YEATS2: variants seen among roughly 807,000 people sequenced by gnomAD.
YEATS2 encodes YEATS domain-containing protein 2.
A neutral mutation model predicts 163.2 loss-of-function variants in YEATS2; 77 were observed. The observed-to-expected ratio is 0.47, with a 90% CI of 0.39 to 0.57. The LOEUF (loss-of-function observed/expected upper bound fraction) is 0.57, where lower values mean the gene tolerates loss of function less well. Ranked by LOEUF, YEATS2 falls within the 20% of genes least tolerant of loss-of-function variation. The pLI, the probability that YEATS2 is intolerant of heterozygous loss-of-function variation, is 0.00. For missense variants in YEATS2, 1,549 were observed against 1,729.8 expected, an observed-to-expected ratio of 0.90 and a Z score of 1.85; for synonymous variants, 631 against 645.1, an observed-to-expected ratio of 0.98 and a Z score of 0.33.
Position 183,728,838 on chromosome 3 carries a change from C to G in YEATS2, c.799C>G (p.Leu267Val). 1 of 1,609,614 alleles carries G rather than the reference C, an allele frequency of 6.2e-7. No individual in the cohort carries two copies. The highest frequency in any genetic ancestry group is 8.5e-7 in the Non-Finnish European group (1 of 1,178,758). ...FLHPSYKPND[L>V]VEVREPPFHL... ...TCATCCTAGCTATAAACCAAATGAC[C>G]TTGTGGAAGTTAGGTAAGCACGCTT... is the stretch of plus-strand genomic sequence containing the variant. Residue 267 changes from leucine to valine, a missense_variant, in exon 7 of 31, where the codon CTT becomes GTT. Leu to Val is a conservative substitution (Grantham distance 32). Coordinates refer to ENST00000305135, the MANE Select transcript of YEATS2 (RefSeq NM_018023.5).
At chr3:183,745,469 C>CT (rs979793675) in intron 8 of YEATS2, among the ~76,000 whole-genome samples, 1 of 152,056 alleles carries the variant, frequency 6.6e-6, no homozygotes, top group African/African-American at 2.4e-5. Context: ...TTCCTTGGGT[C>CT]TTTTTTAATG....
Position 183,786,297 on chromosome 3 carries a change from A to G in YEATS2, c.2909A>G (p.Gln970Arg), listed in dbSNP as rs756444094. The G allele has an allele frequency of 1.9e-6, 3 of 1,606,436 alleles. No individual in the cohort carries two copies. The highest frequency in any genetic ancestry group is 2.7e-5 in the African/African-American group (2 of 74,946). ...GCCCTCTCAGCAAACGGTCCTGCACAACAGGTGAGAAATAGCATGTCAGTA... is the reference window on the plus strand; with the variant it reads ...GCCCTCTCAGCAAACGGTCCTGCACGACAGGTGAGAAATAGCATGTCAGTA... ...AVALSANGPA[Q>R]QSEGMAPVSS... Residue 970 changes from glutamine (Q) to arginine (R), a missense_variant, in exon 20 of 31, where the codon CAA (glutamine) becomes CGA (arginine). Transcript: ENST00000305135.
chr3:183,776,013 A>T lies in YEATS2; in HGVS notation c.2467A>T (p.Thr823Ser). The T allele has an allele frequency of 6.2e-7, 1 of 1,609,360 alleles. No individual in the cohort carries two copies. Among genetic ancestry groups the T allele is most frequent in the Non-Finnish European group, 8.5e-7 (1 of 1,177,146 alleles). The change falls in exon 18 of 31, where the codon ACA (threonine) becomes TCA (serine). Residue 823 changes from threonine to serine, a missense_variant. Coordinates refer to ENST00000305135, the MANE Select transcript of YEATS2 (RefSeq NM_018023.5). ...CAGTGGCAGCGGTGGAGGCGGCAGCACAGGAGGAGGAGGAGGAACAGCAGG... is the reference window on the plus strand; with the variant it reads ...CAGTGGCAGCGGTGGAGGCGGCAGCTCAGGAGGAGGAGGAGGAACAGCAGG... ...GGSGSGGGGS[T>S]GGGGGTAGGG...
chr3:183,716,076 C>CA (rs1458142766), intron 2 of YEATS2, among the ~76,000 whole-genome samples: 4 of 152,092 alleles, frequency 2.6e-5, no homozygotes, highest in African/African-American at 9.7e-5. Context: ...TCTCCTGCGT[C>CA]AGCCTCCCGA....
In YEATS2 at chr3:183,789,525, A is replaced by ATTTTTTTTTTTTTTTTTTTTTTTTTT. The variant is rs143473253; in HGVS notation, c.2914-1269_2914-1244dup. Among the ~76,000 whole-genome samples the ATTTTTTTTTTTTTTTTTTTTTTTTTT allele has an allele frequency of 1.1e-4, 7 of 66,350 alleles. 2 individuals carry two copies. The highest frequency in any genetic ancestry group is 4.1e-4 in the African/African-American group (6 of 14,618). 43.5% of individuals were successfully genotyped at this position (66,350 alleles called of 152,430 possible). ...TTAGGTTTCAGATTCATTCGAGTTAATTTTTTTTTTTTTTTTTTTTTTTTT... is the reference window on the plus strand; with the variant it reads ...TTAGGTTTCAGATTCATTCGAGTTAATTTTTTTTTTTTTTTTTTTTTTTTTTTTTTTTTTTTTTTTTTTTTTTTTTT... On this transcript the variant is annotated intron_variant, in intron 20 of 30. Transcript: ENST00000305135.
At chr3:183,760,313 A>ATT (rs11417378) in intron 13 of YEATS2, among the ~76,000 whole-genome samples, 4,640 of 109,822 alleles carry the variant, frequency 0.042, 243 homozygotes, top group Non-Finnish European at 0.054. Context: ...AAACTACAGA[A>ATT]TTTTTTTTTT....
intron 1 of YEATS2, among the ~76,000 whole-genome samples, chr3:183,700,000 TAATC>T (rs1713890825): frequency 6.6e-6 from 1 of 152,228 alleles, no homozygotes; most frequent in Non-Finnish European, 1.5e-5. Context: ...AAACTAAACT[TAATC>T]GATGAAAAAT....
intron 1 of YEATS2, among the ~76,000 whole-genome samples, chr3:183,714,920 T>G (rs1715675014): frequency 6.6e-6 from 1 of 152,124 alleles, no homozygotes; most frequent in Non-Finnish European, 1.5e-5. Context: ...TTTCTTTTTT[T>G]TTTTTGGTGG....
intron 1 of YEATS2, among the ~76,000 whole-genome samples, chr3:183,700,177 A>G (rs1054827657): frequency 6.6e-6 from 1 of 152,208 alleles, no homozygotes; most frequent in South Asian, 2.1e-4. Flanking sequence ...GTAGCTTGAC[A>G]TACAGCATGC....
At chr3:183,753,358 A>G (rs939891614) in intron 10 of YEATS2, among the ~76,000 whole-genome samples, 2 of 152,364 alleles carry the variant, frequency 1.3e-5, no homozygotes, top group South Asian at 2.1e-4. Flanking sequence ...TTCTAAGCCT[A>G]TATTTTAATG....
chr3:183,786,540 A>G (rs963747498), intron 20 of YEATS2, among the ~76,000 whole-genome samples: 4 of 152,096 alleles, frequency 2.6e-5, no homozygotes, highest in Non-Finnish European at 4.4e-5. Context: ...AGAGCATTTT[A>G]TCATCCCAGA....
In YEATS2 at chr3:183,775,973, A is replaced by C. The variant is rs1560301080; in HGVS notation, c.2427A>C (p.Gly809=). 6.2e-7 allele frequency: 1 copy of C among 1,608,458 alleles called. No homozygotes were observed. Among genetic ancestry groups the C allele is most frequent in the Admixed American group, 1.7e-5 (1 of 59,818 alleles). Residue 809 remains glycine, a synonymous_variant, in exon 18 of 31, where the codon GGA becomes GGC. Transcript: ENST00000305135. ...GTGGTGCCGGAGGAGGAGGAGGAGG[A>C]GGAGGAGGAGGCGGCAGTGGCAGCG... ...GGSGAGGGGG[G]GGGGGSGSGG... is the part of the protein sequence containing the mutation.
At chr3:183,770,028 G>T (rs771236395) in intron 15 of YEATS2, among the ~76,000 whole-genome samples, 4 of 151,950 alleles carry the variant, frequency 2.6e-5, no homozygotes, top group Non-Finnish European at 5.9e-5. Context: ...CCAACTGCAT[G>T]GTAAATGTAT....
Position 183,790,835 on chromosome 3 carries a change from T to C in YEATS2, c.2952T>C (p.Ser984=). 6.2e-7 allele frequency: 1 copy of C among 1,614,082 alleles called. No homozygotes were observed. The highest frequency in any genetic ancestry group is 2.2e-5 in the East Asian group (1 of 44,864). The change falls in exon 21 of 31, where the codon AGT becomes AGC. Residue 984 remains serine, a synonymous_variant. Coordinates refer to ENST00000305135, the MANE Select transcript of YEATS2 (RefSeq NM_018023.5). ...CTCCCGTGTCTTCATCTACGGTCAG[T>C]TCTGTAACGAAAACTTCTGGGCAGC... ...GMAPVSSSTV[S]SVTKTSGQQQ...
intron 8 of YEATS2, among the ~76,000 whole-genome samples, chr3:183,745,856 G>A (rs1291208751): frequency 6.6e-6 from 1 of 152,090 alleles, no homozygotes; most frequent in Non-Finnish European, 1.5e-5. Context: ...TTTTGAGACA[G>A]GATCTCGCTT....
At chr3:183,768,271 C>T (rs1722109314) in intron 15 of YEATS2, among the ~76,000 whole-genome samples, 1 of 152,140 alleles carries the variant, frequency 6.6e-6, no homozygotes, top group Non-Finnish European at 1.5e-5. Flanking sequence ...ACGCTTCTTG[C>T]CAAGAGGAAG....
intron 26 of YEATS2, 166 bp downstream of exon 26, chr3:183,803,501 G>A (rs140358067): frequency 1.9e-5 from 13 of 689,950 alleles, no homozygotes; most frequent in East Asian, 1.4e-4. Flanking sequence ...ACTTTCAGGC[G>A]TGCCTTCTTT....
chr3:183,762,868 A>G (rs543853972), intron 15 of YEATS2, among the ~76,000 whole-genome samples: 4 of 152,120 alleles, frequency 2.6e-5, no homozygotes, highest in Admixed American at 6.6e-5. Context: ...CCTGACCAAC[A>G]TGGAGAAACC....
At chr3:183,722,212 T>C in intron 5 of YEATS2, 76 bp downstream of exon 5, 3 of 1,463,966 alleles carry the variant, frequency 2.0e-6, no homozygotes, top group South Asian at 2.8e-5. Flanking sequence ...GCTTGTTATC[T>C]CACTGAACTG....
Sources: gnomAD v4.1 joint callset for allele counts (sites outside exome capture counted in the v4.1 genomes callset) on GRCh38, gnomAD v4.1.1 for gene constraint, MANE v1.5 for transcripts, NCBI Gene and HGNC (gene_info 2026-07-23, HGNC 2026-07-21) for gene names.